Variants in SNTB2 observed in about 807,000 individuals in gnomAD.
SNTB2 encodes the protein syntrophin beta 2.
Under a neutral mutation model 46.2 loss-of-function variants are expected in SNTB2, and 34 were observed. The observed-to-expected ratio is 0.74, with a 90% CI of 0.56 to 0.98. The LOEUF (loss-of-function observed/expected upper bound fraction) is 0.98. Ranked by LOEUF, SNTB2 falls within the 50% of genes least tolerant of loss-of-function variation. The pLI, the probability that SNTB2 is intolerant of heterozygous loss-of-function variation, is 0.00. For synonymous variants in SNTB2, 290 were observed against 312.6 expected, an observed-to-expected ratio of 0.93 and a Z score of 0.76; for missense variants, 603 against 731.4, an observed-to-expected ratio of 0.82 and a Z score of 2.02.
intron 1 of SNTB2, among the ~76,000 whole-genome samples, chr16:69,209,472 A>G (rs750480076): frequency 5.9e-5 from 9 of 152,188 alleles, no homozygotes; most frequent in Non-Finnish European, 8.8e-5. Flanking sequence ...GAAGTTTGAC[A>G]TCAGATTAAA....
chr16:69,193,735 C>T (rs1964077894), intron 1 of SNTB2, among the ~76,000 whole-genome samples: 1 of 152,082 alleles, frequency 6.6e-6, no homozygotes, highest in African/African-American at 2.4e-5. Context: ...AACACAGAAA[C>T]CCATTTAAAC....
At chr16:69,272,688 T>C (rs1461247087) in intron 4 of SNTB2, among the ~76,000 whole-genome samples, 1 of 151,454 alleles carries the variant, frequency 6.6e-6, no homozygotes, top group African/African-American at 2.4e-5. Flanking sequence ...GGTCAGGAGC[T>C]CGAGACCAGC....
chr16:69,277,054 T>C (rs994508545), intron 4 of SNTB2, among the ~76,000 whole-genome samples: 1 of 152,232 alleles, frequency 6.6e-6, no homozygotes, highest in African/African-American at 2.4e-5. Context: ...ACATGTGTGA[T>C]TGAATTCTCA....
At position 69,284,237 on chromosome 16, in the gene SNTB2, C is replaced by T; in HGVS notation, c.1338C>T (p.Val446=). The T allele has an allele frequency of 6.2e-7, 1 of 1,608,930 alleles. No homozygotes were observed. The change falls in exon 5 of 7, where the codon GTC becomes GTT. Residue 446 remains valine (V), a synonymous_variant. Coordinates refer to ENST00000336278, the MANE Select transcript of SNTB2 (RefSeq NM_006750.4). ...CTGCTGCTGAGCTGATCAAGGAAGT[C>T]TCTCTAGGTAGAGATGCTGACTTTT... ...CHAAAELIKE[V]SLGCMLNGQE...
At chr16:69,240,109 G>A (rs552895224) in intron 1 of SNTB2, among the ~76,000 whole-genome samples, 1 of 152,246 alleles carries the variant, frequency 6.6e-6, no homozygotes, top group African/African-American at 2.4e-5. Flanking sequence ...GCTTTTGTGT[G>A]AATGTAAGTT....
At chr16:69,250,544 C>G (rs576560223) in intron 2 of SNTB2, among the ~76,000 whole-genome samples, 2 of 152,244 alleles carry the variant, frequency 1.3e-5, no homozygotes, top group East Asian at 3.9e-4. Context: ...CTCCTGTTTT[C>G]TCTGTAGAAT....
At chr16:69,273,022 C>T (rs1021687052) in intron 4 of SNTB2, among the ~76,000 whole-genome samples, 2 of 151,860 alleles carry the variant, frequency 1.3e-5, no homozygotes, top group Non-Finnish European at 2.9e-5. Context: ...CAAATCAAAA[C>T]CACAGTGAGA....
chr16:69,235,586 G>T lies in SNTB2; in HGVS notation c.581-10016G>T, dbSNP rs530836655. 4 of 691,072 alleles carry T rather than the reference G, an allele frequency of 5.8e-6. No homozygotes were observed. In the Admixed American group the frequency reaches 2.5e-4, roughly 43 times the overall value. The allele number at this position is 691,072 out of a possible 1,614,324, so 42.8% of individuals were successfully genotyped here. ...GTCCTAGAAATGAGACCAAAGTGGG[G>T]GAGGGGGGAACTAAAAGGAAGGGAA... On this transcript the variant is annotated intron_variant, in intron 1 of 6. Coordinates refer to ENST00000336278, the MANE Select transcript of SNTB2 (RefSeq NM_006750.4).
At chr16:69,198,720 G>A in intron 1 of SNTB2, among the ~76,000 whole-genome samples, 1 of 152,086 alleles carries the variant, frequency 6.6e-6, no homozygotes, top group East Asian at 1.9e-4. Flanking sequence ...TTAACTTTGT[G>A]TGACCTTGGC....
chr16:69,226,279 C>T lies in SNTB2; in HGVS notation c.581-19323C>T, dbSNP rs148789408. Reference sequence around the variant, plus strand: ...AGAGACAGGGTTTCACTATGTTGGCCAGACTGGTCTTGAACTCCTGACCTT... The same window carrying T: ...AGAGACAGGGTTTCACTATGTTGGCTAGACTGGTCTTGAACTCCTGACCTT... On this transcript the variant is annotated intron_variant, in intron 1 of 6. Coordinates refer to ENST00000336278, the MANE Select transcript of SNTB2 (RefSeq NM_006750.4). Among the ~76,000 whole-genome samples, 722 of 151,726 alleles carry T rather than the reference C, an allele frequency of 4.8e-3. 9 individuals are homozygous for T. The highest frequency in any genetic ancestry group is 0.016 in the African/African-American group (665 of 41,298).
chr16:69,305,760 T>C lies in SNTB2; in HGVS notation c.*4836T>C, dbSNP rs1965311270. The stretch of plus-strand genomic sequence containing the variant: ...GTTAAATTTCTGTTGTTATTGTGGC[T>C]TTTTTTTTTTTTTAACCCCACTGAA... On this transcript the variant is annotated 3_prime_UTR_variant, in exon 7 of 7. Transcript: ENST00000336278. 7.1e-5 allele frequency: 10 copies of C among 140,336 alleles called. No homozygotes were observed. The South Asian group carries it at 2.2e-3, about 31-fold the overall frequency. 8.7% of individuals were successfully genotyped at this position (140,336 alleles called of 1,614,324 possible). A position where few individuals can be genotyped will look rare whatever the true frequency, so the allele number is the denominator to read the frequency against.
chr16:69,251,856 C>T (rs1000892633), intron 2 of SNTB2, among the ~76,000 whole-genome samples: 4 of 151,276 alleles, frequency 2.6e-5, no homozygotes, highest in African/African-American at 4.9e-5. Context: ...GAGGTCGAGG[C>T]GGGTGGATCA....
At chr16:69,199,035 T>C (rs1964134852) in intron 1 of SNTB2, among the ~76,000 whole-genome samples, 3 of 151,942 alleles carry the variant, frequency 2.0e-5, no homozygotes, top group Non-Finnish European at 2.9e-5. Flanking sequence ...TAGCTGGGAT[T>C]ACAGGCGCAC....
At chr16:69,245,447 G>A (rs566988092) in intron 1 of SNTB2, among the ~76,000 whole-genome samples, 155 bp from the exon 2 acceptor site, 4 of 152,116 alleles carry the variant, frequency 2.6e-5, no homozygotes, top group African/African-American at 9.6e-5. Flanking sequence ...CACCCGCCTC[G>A]GCCTCCCAAA....
chr16:69,235,412 A>G (rs1372697418), intron 1 of SNTB2, among the ~76,000 whole-genome samples: 1 of 152,188 alleles, frequency 6.6e-6, no homozygotes, highest in Non-Finnish European at 1.5e-5. Flanking sequence ...TATTGAAACA[A>G]TATTGAGTAA....
chr16:69,197,351 G>C (rs941210451), intron 1 of SNTB2, among the ~76,000 whole-genome samples: 1 of 152,062 alleles, frequency 6.6e-6, no homozygotes, highest in Non-Finnish European at 1.5e-5. Context: ...AGAGGGGAAA[G>C]GCATGTCTAG....
chr16:69,219,763 G>GT (rs1964382496), intron 1 of SNTB2, among the ~76,000 whole-genome samples: 1 of 149,576 alleles, frequency 6.7e-6, no homozygotes, highest in Non-Finnish European at 1.5e-5. Context: ...GTTTTGTTTT[G>GT]TTTTTGGAGA....
intron 1 of SNTB2, among the ~76,000 whole-genome samples, chr16:69,232,227 A>G (rs1964512943): frequency 7.3e-6 from 1 of 137,420 alleles, no homozygotes. Flanking sequence ...TTTTTTTGAG[A>G]TGGAGTCTTG....
chr16:69,232,244 C>A (rs1458154425), intron 1 of SNTB2, among the ~76,000 whole-genome samples: 1 of 133,110 alleles, frequency 7.5e-6, no homozygotes, highest in Non-Finnish European at 1.6e-5. Context: ...CTTGCTCTTT[C>A]ACCCAGGCTG....
Sources: allele counts gnomAD v4.1 joint callset (sites outside exome capture counted in the v4.1 genomes callset), GRCh38; gene constraint gnomAD v4.1.1; transcripts MANE v1.5; gene names NCBI Gene and HGNC (gene_info 2026-07-23, HGNC 2026-07-21).